Variants in CALD1 observed in about 807,000 individuals in gnomAD.
The protein encoded by CALD1 is caldesmon 1, also known as caldesmon.
In CALD1, 33 loss-of-function variants were observed where a neutral mutation model predicts 99.9. The observed-to-expected ratio is 0.33, with a 90% CI of 0.25 to 0.44. CALD1 has a LOEUF of 0.44. Ranked by LOEUF, CALD1 falls within the 20% of genes least tolerant of loss-of-function variation. The pLI is 1.00. For missense variants in CALD1, 861 were observed against 962.1 expected, an observed-to-expected ratio of 0.89 and a Z score of 1.39; for synonymous variants, 310 against 325.0, an observed-to-expected ratio of 0.95 and a Z score of 0.50.
intron 3 of CALD1, among the ~76,000 whole-genome samples, chr7:134,911,204 T>C (rs1047654542): frequency 3.3e-5 from 5 of 150,034 alleles, no homozygotes; most frequent in South Asian, 2.1e-4. Flanking sequence ...TTTTCTTTTT[T>C]TTTTTTTTTT....
chr7:134,929,390 C>T (rs138001104), intron 4 of CALD1, among the ~76,000 whole-genome samples: 1 of 151,634 alleles, frequency 6.6e-6, no homozygotes, highest in Non-Finnish European at 1.5e-5. Flanking sequence ...TTCCCCCTCA[C>T]ACCCTCCTAC....
At chr7:134,809,782 T>C (rs1446081237) in intron 1 of CALD1, among the ~76,000 whole-genome samples, 1 of 152,226 alleles carries the variant, frequency 6.6e-6, no homozygotes, top group Non-Finnish European at 1.5e-5. Flanking sequence ...AAAATATTAA[T>C]GCCTTGACGG....
At chr7:134,897,994 G>A (rs571903312) in intron 3 of CALD1, among the ~76,000 whole-genome samples, 5 of 152,126 alleles carry the variant, frequency 3.3e-5, no homozygotes, top group Admixed American at 6.5e-5. Flanking sequence ...CCACTATCTC[G>A]GCTCACTGCA....
chr7:134,891,704 T>C (rs941530848), intron 3 of CALD1: 2 of 1,426,222 alleles, frequency 1.4e-6, no homozygotes, highest in South Asian at 1.4e-5. Flanking sequence ...TTTGGTTTTT[T>C]CCTTTCTTTT....
intron 9 of CALD1, among the ~76,000 whole-genome samples, chr7:134,952,522 G>A (rs866130856): frequency 1.3e-5 from 2 of 150,144 alleles, no homozygotes; most frequent in Middle Eastern, 6.8e-3. Flanking sequence ...CCAGGCTGGA[G>A]TGCAGTGGCA....
intron 2 of CALD1, among the ~76,000 whole-genome samples, chr7:134,845,317 T>A (rs796545329): frequency 1.3e-5 from 2 of 152,214 alleles, no homozygotes; most frequent in Non-Finnish European, 1.5e-5. Context: ...GAGGATTAGA[T>A]GCAGCCTCTG....
intron 6 of CALD1, among the ~76,000 whole-genome samples, chr7:134,938,022 G>A (rs1806128589): frequency 6.6e-6 from 1 of 152,188 alleles, no homozygotes; most frequent in African/African-American, 2.4e-5. Context: ...TTCGTGTCAT[G>A]CGGATCAATC....
chr7:134,891,153 C>T (rs1213739557), intron 3 of CALD1, among the ~76,000 whole-genome samples: 1 of 152,184 alleles, frequency 6.6e-6, no homozygotes, highest in Non-Finnish European at 1.5e-5. Context: ...TTCCAAAAGG[C>T]TGAGCAAATG....
chr7:134,947,781 G>A lies in CALD1; in HGVS notation c.1794+12G>A. On this transcript the variant is annotated intron_variant, in intron 8 of 14. Transcript: ENST00000361675. ...AACTCAGAGAGGAGGTAAGGCGGGC[G>A]CTAGCCCACTGAGAACGTTGCCCGG... is the stretch of plus-strand genomic sequence containing the variant. 6 of 1,609,158 alleles carry A rather than the reference G, an allele frequency of 3.7e-6. No individual in the cohort carries two copies. Among genetic ancestry groups the A allele is most frequent in the Non-Finnish European group, 5.1e-6 (6 of 1,177,530 alleles).
At chr7:134,747,737 G>A (rs1796648426) in intron 1 of CALD1, among the ~76,000 whole-genome samples, 1 of 152,210 alleles carries the variant, frequency 6.6e-6, no homozygotes, top group South Asian at 2.1e-4. Context: ...AAAGCCATGG[G>A]GGCATGGCTG....
chr7:134,954,793 G>T (rs929850051), intron 9 of CALD1, among the ~76,000 whole-genome samples: 1 of 152,142 alleles, frequency 6.6e-6, no homozygotes, highest in East Asian at 1.9e-4. Flanking sequence ...ACCACGCTGC[G>T]TGCCTTGTGG....
At chr7:134,826,666 C>A (rs975922139) in intron 1 of CALD1, among the ~76,000 whole-genome samples, 2 of 152,148 alleles carry the variant, frequency 1.3e-5, no homozygotes, top group Non-Finnish European at 2.9e-5. Flanking sequence ...ATTGTTGGTT[C>A]ATTGTTCCTA....
upstream of CALD1, among the ~76,000 whole-genome samples, chr7:134,742,265 A>T (rs541098135): frequency 1.8e-4 from 28 of 152,170 alleles, no homozygotes; most frequent in African/African-American, 6.5e-4. Context: ...ATGTGAAAAA[A>T]CTCAAAGTGA....
chr7:134,772,997 C>T (rs578236342), intron 1 of CALD1, among the ~76,000 whole-genome samples: 50 of 152,294 alleles, frequency 3.3e-4, no homozygotes, highest in Non-Finnish European at 6.0e-4. Flanking sequence ...TATTATTCCC[C>T]CTTCAGGTGA....
intron 7 of CALD1, among the ~76,000 whole-genome samples, chr7:134,946,750 G>A (rs1806906969): frequency 6.7e-6 from 1 of 150,026 alleles, no homozygotes; most frequent in East Asian, 2.0e-4. Context: ...GCACAATCTC[G>A]GCTCACTGCA....
rs1808819999 is a variant in CALD1 at position 134,968,260 on chromosome 7, A to G, written c.2377-80A>G. On this transcript the variant is annotated intron_variant, in intron 14 of 14. Transcript: ENST00000361675. ...TATTATTCATTTTTCTTCTGACTAT[A>G]AAAACCATCTGCCTGAAACACTGCA... 5.8e-6 allele frequency: 7 copies of G among 1,211,830 alleles called. No individual in the cohort carries two copies. The South Asian group carries it at 8.5e-5, about 15-fold the overall frequency. 75.1% of individuals were successfully genotyped at this position (1,211,830 alleles called of 1,614,324 possible).
At chr7:134,757,876 C>T (rs1391583987) in intron 1 of CALD1, among the ~76,000 whole-genome samples, 1 of 150,622 alleles carries the variant, frequency 6.6e-6, no homozygotes, top group Non-Finnish European at 1.5e-5. Context: ...TAGACTCCGT[C>T]TAAAAAAATA....
At chr7:134,758,882 T>C (rs980453803) in intron 1 of CALD1, among the ~76,000 whole-genome samples, 1 of 152,128 alleles carries the variant, frequency 6.6e-6, no homozygotes, top group Admixed American at 6.6e-5. Context: ...AGCACCCACA[T>C]CTGTACCCTT....
the CALD1 span, among the ~76,000 whole-genome samples, chr7:134,726,794 C>T: frequency 6.6e-6 from 1 of 152,124 alleles, no homozygotes; most frequent in Non-Finnish European, 1.5e-5. Context: ...AGAAATTGAA[C>T]AGGGACAAAT....
Sources: allele counts gnomAD v4.1 joint callset (sites outside exome capture counted in the v4.1 genomes callset), GRCh38; gene constraint gnomAD v4.1.1; transcripts MANE v1.5; gene names NCBI Gene and HGNC (gene_info 2026-07-23, HGNC 2026-07-21).